The following GTF2E1 variants were observed in gnomAD, a reference collection of about 807,000 sequenced individuals.
GTF2E1 encodes the protein TFIIE alpha subunit.
In GTF2E1, 14 loss-of-function variants were observed where a neutral mutation model predicts 34.9. The observed-to-expected ratio is 0.40, with a 90% CI of 0.27 to 0.63. The LOEUF (loss-of-function observed/expected upper bound fraction) is 0.63, where lower values mean the gene tolerates loss of function less well. Among genes scored for constraint, GTF2E1 ranks in the 20% least tolerant of loss-of-function variants. GTF2E1 has a pLI of 0.39. For synonymous variants in GTF2E1, 188 were observed against 192.9 expected (o/e 0.97, Z 0.21); for missense variants, 469 against 557.7 (o/e 0.84, Z 1.60).
intron 2 of GTF2E1, among the ~76,000 whole-genome samples, chr3:120,768,714 T>C (rs1709328387): frequency 6.6e-6 from 1 of 152,190 alleles, no homozygotes; most frequent in Non-Finnish European, 1.5e-5. Context: ...CTTTATGTGG[T>C]TTATTTTTAA....
chr3:120,764,509 T>C (rs1344833228), intron 2 of GTF2E1, among the ~76,000 whole-genome samples: 1 of 152,218 alleles, frequency 6.6e-6, no homozygotes, highest in Admixed American at 6.5e-5. Flanking sequence ...TAAAAGTTTG[T>C]GGGAAAAATG....
rs775989852 is a variant in GTF2E1, at chr3:120,776,487, T to A, written c.715T>A (p.Trp239Arg). The change falls in exon 4 of 5, where the codon TGG (tryptophan) becomes AGG (arginine). Residue 239 changes from tryptophan to arginine, a missense_variant. By Grantham distance (101) the Trp-to-Arg change is moderately radical (BLOSUM62 -3). Transcript: ENST00000283875. ...AGCAGGTGGGCACCACCGGGAAGCA[T>A]GGGCCACCAAAGGTCCTTCCTATGA... Reference protein sequence around the residue: ...SLAGGHHREAWATKGPSYEDL... With the variant: ...SLAGGHHREARATKGPSYEDL... 1 of 1,613,502 alleles carries A rather than the reference T, an allele frequency of 6.2e-7. No individual in the cohort carries two copies. Among genetic ancestry groups the A allele is most frequent in the South Asian group, 1.1e-5 (1 of 91,030 alleles).
Position 120,776,527 on chromosome 3 carries a change from A to C in GTF2E1, c.755A>C (p.Gln252Pro), listed in dbSNP as rs750603959. 11 of 1,614,080 alleles carry C rather than the reference A, an allele frequency of 6.8e-6. No individual in the cohort carries two copies. In the South Asian group the frequency reaches 1.2e-4, roughly 18 times the overall value. Residue 252 changes from glutamine to proline, a missense_variant, in exon 4 of 5, where the codon CAG (glutamine) becomes CCG (proline). By Grantham distance (76) the Gln-to-Pro change is moderately conservative. Transcript: ENST00000283875. ...KGPSYEDLYT[Q>P]NVVINMDDQE... The stretch of plus-strand genomic sequence containing the variant: ...CCTTCCTATGAAGACTTATACACTC[A>C]GAATGTTGTCATTAACATGGATGAC...
At chr3:120,751,991 T>C (rs927449006) in intron 2 of GTF2E1, among the ~76,000 whole-genome samples, 5 of 152,164 alleles carry the variant, frequency 3.3e-5, no homozygotes, top group Admixed American at 6.5e-5. Context: ...TTTTATGTTA[T>C]ATATGGTACA....
chr3:120,751,459 A>G (rs1208775645), intron 2 of GTF2E1, among the ~76,000 whole-genome samples: 2 of 152,178 alleles, frequency 1.3e-5, no homozygotes, highest in African/African-American at 4.8e-5. Flanking sequence ...TTTGAGACCT[A>G]AAAGATAGTA....
rs576010361 is a variant in GTF2E1, at chr3:120,769,888, C to G, written c.449-840C>G. On this transcript the variant is annotated intron_variant, in intron 2 of 4. Coordinates refer to ENST00000283875, the MANE Select transcript of GTF2E1 (RefSeq NM_005513.3). ...GAAGATGTATTTTAGGGTATTTGAA[C>G]AAATAATTTACATGCTATTGGCTAT... Among the ~76,000 whole-genome samples, 7 of 152,102 alleles carry G rather than the reference C, an allele frequency of 4.6e-5. No homozygotes were observed. The East Asian group carries it at 1.4e-3, about 29-fold the overall frequency.
intron 2 of GTF2E1, among the ~76,000 whole-genome samples, chr3:120,765,108 CT>C (rs1233959686): frequency 7.2e-6 from 1 of 139,218 alleles, no homozygotes; most frequent in African/African-American, 2.6e-5. Context: ...GTGTAGAACT[CT>C]TTCCCTTTCC....
intron 2 of GTF2E1, among the ~76,000 whole-genome samples, chr3:120,762,706 C>G (rs987441651): frequency 6.6e-6 from 1 of 152,150 alleles, no homozygotes; most frequent in Non-Finnish European, 1.5e-5. Context: ...TGTTAAGATT[C>G]AAGAGCCCTG....
Position 120,776,653 on chromosome 3 carries a change from A to C in GTF2E1, c.881A>C (p.Asp294Ala). ...STVQGAYGSEDMKEGGIDMDA... is the reference protein window; with the variant it reads ...STVQGAYGSEAMKEGGIDMDA... ...GTCCAAGGGGCATATGGTTCTGAAG[A>C]TATGAAAGAAGGTAAGAGTAGAAGT... The change falls in exon 4 of 5, where the codon GAT (aspartate) becomes GCT (alanine). Residue 294 changes from aspartate to alanine, a missense_variant. Coordinates refer to ENST00000283875, the MANE Select transcript of GTF2E1 (RefSeq NM_005513.3). 1 of 1,612,988 alleles carries C rather than the reference A, an allele frequency of 6.2e-7. No individual in the cohort carries two copies. Among genetic ancestry groups the C allele is most frequent in the Non-Finnish European group, 8.5e-7 (1 of 1,179,566 alleles).
chr3:120,770,588 C>G lies in GTF2E1; in HGVS notation c.449-140C>G, dbSNP rs550037772. On this transcript the variant is annotated intron_variant, in intron 2 of 4. Coordinates refer to ENST00000283875, the MANE Select transcript of GTF2E1 (RefSeq NM_005513.3). The stretch of plus-strand genomic sequence containing the variant: ...CTAATTGTAGAATCTAAATGGTGGT[C>G]ACATGGCTGTTCACTGTGAAATTCT... The G allele has an allele frequency of 1.6e-4, 101 of 646,532 alleles. No individual in the cohort carries two copies. In the South Asian group the frequency reaches 1.8e-3, roughly 11 times the overall value. The allele number at this position is 646,532 out of a possible 1,614,324, so 40.0% of individuals were successfully genotyped here. A position where few individuals can be genotyped will look rare whatever the true frequency, so the allele number is the denominator to read the frequency against.
In GTF2E1 at chr3:120,742,750, AGCGCTGGGG is replaced by A; in HGVS notation, c.-72_-64del. ...GTGGTTCATTTAAGCCGGTAGTTGA[AGCGCTGGGG>A]GCAGCTGTAGTGGGAGTGTTCCAGG... On this transcript the variant is annotated 5_prime_UTR_variant, in exon 1 of 5. Coordinates refer to ENST00000283875, the MANE Select transcript of GTF2E1 (RefSeq NM_005513.3). 2 of 559,210 alleles carry A rather than the reference AGCGCTGGGG, an allele frequency of 3.6e-6. No homozygotes were observed. The highest frequency in any genetic ancestry group is 6.4e-6 in the Non-Finnish European group (2 of 310,866). 34.6% of individuals were successfully genotyped at this position (559,210 alleles called of 1,614,324 possible).
At chr3:120,768,779 T>C (rs547667271) in intron 2 of GTF2E1, among the ~76,000 whole-genome samples, 1 of 152,324 alleles carries the variant, frequency 6.6e-6, no homozygotes, top group South Asian at 2.1e-4. Context: ...CTGAGACAGC[T>C]TGGAACAGTT....
At chr3:120,750,458 A>G (rs1709154796) in intron 1 of GTF2E1, 65 bp from the exon 2 acceptor site, 1 of 929,958 alleles carries the variant, frequency 1.1e-6, no homozygotes, top group Non-Finnish European at 1.7e-6. Context: ...TGGCACTGCA[A>G]GGATAGTGGA....
chr3:120,765,473 GA>G (rs1383888509), intron 2 of GTF2E1, among the ~76,000 whole-genome samples: 1 of 152,088 alleles, frequency 6.6e-6, no homozygotes, highest in Non-Finnish European at 1.5e-5. Context: ...CAATATTTTT[GA>G]AAAGTGGAGC....
chr3:120,754,178 T>C (rs1709189268), intron 2 of GTF2E1, among the ~76,000 whole-genome samples: 1 of 152,178 alleles, frequency 6.6e-6, no homozygotes, highest in South Asian at 2.1e-4. Context: ...AACAGCATGC[T>C]TCTCCTGAAG....
chr3:120,770,835 C>T lies in GTF2E1; in HGVS notation c.556C>T (p.Pro186Ser). ...LLARFNEQIEPIYALLRETED... is the reference protein window; with the variant it reads ...LLARFNEQIESIYALLRETED... ...GGCAAGGTTTAATGAACAAATTGAG[C>T]CCATTTATGCATTGCTTCGGGAGAC... Residue 186 changes from proline to serine, a missense_variant, in exon 3 of 5, where the codon CCC (proline) becomes TCC (serine). Transcript: ENST00000283875. 1 of 1,613,406 alleles carries T rather than the reference C, an allele frequency of 6.2e-7. No individual in the cohort carries two copies. The highest frequency in any genetic ancestry group is 8.5e-7 in the Non-Finnish European group (1 of 1,179,444).
At chr3:120,765,219 G>A (rs1049461050) in intron 2 of GTF2E1, among the ~76,000 whole-genome samples, 1 of 151,832 alleles carries the variant, frequency 6.6e-6, no homozygotes, top group Non-Finnish European at 1.5e-5. Flanking sequence ...AGAATCCTGA[G>A]TTATAAAATT....
intron 1 of GTF2E1, among the ~76,000 whole-genome samples, chr3:120,745,391 C>G (rs1261438156): frequency 2.0e-5 from 3 of 152,092 alleles, no homozygotes; most frequent in Admixed American, 2.0e-4. Context: ...ACAGGCTGAG[C>G]AATAAGTGGC....
At chr3:120,775,041 G>A (rs921074852) in intron 3 of GTF2E1, among the ~76,000 whole-genome samples, 1 of 152,152 alleles carries the variant, frequency 6.6e-6, no homozygotes, top group Non-Finnish European at 1.5e-5. Context: ...CAGAAACACA[G>A]TGTAATTTAG....
Sources: allele counts gnomAD v4.1 joint callset (sites outside exome capture counted in the v4.1 genomes callset), GRCh38; gene constraint gnomAD v4.1.1; transcripts MANE v1.5; gene names NCBI Gene and HGNC (gene_info 2026-07-23, HGNC 2026-07-21).